SUPT3H: variants seen among roughly 807,000 people sequenced by gnomAD.
SUPT3H encodes SPT3 homolog, SAGA and STAGA complex component.
A neutral mutation model predicts 44.3 loss-of-function variants in SUPT3H; 44 were observed. That is an observed-to-expected ratio of 0.99 (90% confidence interval 0.78 to 1.28). The LOEUF is 1.28. SUPT3H is among the 50% of genes most tolerant of loss of function. The probability of loss-of-function intolerance (pLI) is 0.00; values close to 1 mark genes in which losing one functional copy is unlikely to be tolerated. For synonymous variants in SUPT3H, 124 were observed against 125.6 expected (o/e 0.99, Z 0.09); for missense variants, 380 against 387.1 (o/e 0.98, Z 0.15).
rs73735312 is a variant in SUPT3H at position 45,202,598 on chromosome 6, T to C, written c.102-96592A>G. On this transcript the variant is annotated intron_variant, in intron 2 of 10. Transcript: ENST00000371459. ...AAGTTTGCCTAAATAATTGTATCCA[T>C]AAACTTTTCCTAGTCATTAGCGTCA... Among the ~76,000 whole-genome samples the C allele has an allele frequency of 3.9e-3, 593 of 152,196 alleles. 7 individuals carry two copies. Among genetic ancestry groups the C allele is most frequent in the African/African-American group, 0.014 (565 of 41,580 alleles).
intron 11 of SUPT3H, among the ~76,000 whole-genome samples, chr6:44,816,896 AAAC>A (rs1269879670): frequency 1.6e-5 from 2 of 126,742 alleles, no homozygotes; most frequent in Non-Finnish European, 3.3e-5. Context: ...CTACAAAATA[AAAC>A]AACAACAAAA....
intron 2 of SUPT3H, among the ~76,000 whole-genome samples, chr6:45,225,229 A>G (rs2153637324): frequency 6.6e-6 from 1 of 151,832 alleles, no homozygotes; most frequent in South Asian, 2.1e-4. Context: ...CAATGAGCCA[A>G]GATTTAGCTA....
chr6:45,251,243 T>C (rs902702753), intron 2 of SUPT3H: 2 of 152,246 alleles, frequency 1.3e-5, no homozygotes, highest in Non-Finnish European at 2.9e-5. Context: ...ATCAGAGATG[T>C]ATGTGTATGT....
intron 7 of SUPT3H, among the ~76,000 whole-genome samples, chr6:44,960,079 A>G (rs1775787501): frequency 1.3e-5 from 2 of 152,118 alleles, no homozygotes; most frequent in South Asian, 4.1e-4. Context: ...AACATAATAC[A>G]CTGTTTATAC....
chr6:44,903,173 C>T (rs2153449257), intron 10 of SUPT3H, among the ~76,000 whole-genome samples: 1 of 152,234 alleles, frequency 6.6e-6, no homozygotes, highest in African/African-American at 2.4e-5. Flanking sequence ...CAAGAAATAA[C>T]TAAGATCAGA....
chr6:44,881,726 G>C (rs1432259715), intron 10 of SUPT3H, among the ~76,000 whole-genome samples: 1 of 152,144 alleles, frequency 6.6e-6, no homozygotes, highest in Non-Finnish European at 1.5e-5. Context: ...TCAGGATTAA[G>C]AAACTCACTA....
At chr6:45,131,851 G>T (rs1803514621) in intron 2 of SUPT3H, among the ~76,000 whole-genome samples, 1 of 152,118 alleles carries the variant, frequency 6.6e-6, no homozygotes, top group Non-Finnish European at 1.5e-5. Context: ...TGGAACAATG[G>T]TGGGTTTACA....
intron 1 of SUPT3H, among the ~76,000 whole-genome samples, chr6:45,375,309 G>C (rs1021233130): frequency 2.6e-5 from 4 of 152,214 alleles, no homozygotes; most frequent in South Asian, 2.1e-4. Flanking sequence ...ATTATGATGT[G>C]GTCCCAATTC....
At chr6:44,891,610 G>A (rs1460652859) in intron 10 of SUPT3H, among the ~76,000 whole-genome samples, 1 of 151,988 alleles carries the variant, frequency 6.6e-6, no homozygotes, top group African/African-American at 2.4e-5. Context: ...AGGAAAGAAT[G>A]GGTTGTTATT....
At chr6:45,004,843 C>T (rs1186642789) in intron 5 of SUPT3H, among the ~76,000 whole-genome samples, 1 of 152,040 alleles carries the variant, frequency 6.6e-6, no homozygotes, top group African/African-American at 2.4e-5. Context: ...AAGAAAAATC[C>T]CTCCAAGTCA....
intron 9 of SUPT3H, among the ~76,000 whole-genome samples, chr6:44,942,868 AG>A (rs1461386178): frequency 6.6e-6 from 1 of 152,184 alleles, no homozygotes; most frequent in Non-Finnish European, 1.5e-5. Context: ...AGTCTAGAAA[AG>A]TAACTTCCCT....
intron 2 of SUPT3H, among the ~76,000 whole-genome samples, chr6:45,162,876 C>T (rs1002064787): frequency 6.6e-6 from 1 of 152,150 alleles, no homozygotes; most frequent in Non-Finnish European, 1.5e-5. Flanking sequence ...GGAGAAACTT[C>T]ACTTAAATAT....
intron 10 of SUPT3H, among the ~76,000 whole-genome samples, chr6:44,877,345 T>C (rs1777481162): frequency 6.6e-6 from 1 of 152,026 alleles, no homozygotes; most frequent in Non-Finnish European, 1.5e-5. Flanking sequence ...GGCGCATGCC[T>C]GTAGTCCTAG....
At chr6:44,998,706 T>G (rs777304060) in intron 6 of SUPT3H, among the ~76,000 whole-genome samples, 1 of 151,948 alleles carries the variant, frequency 6.6e-6, no homozygotes, top group Non-Finnish European at 1.5e-5. Context: ...CACTTTGTTC[T>G]TATATTTGCA....
At chr6:45,370,964 T>G (rs1795967165) in intron 1 of SUPT3H, among the ~76,000 whole-genome samples, 1 of 152,202 alleles carries the variant, frequency 6.6e-6, no homozygotes, top group South Asian at 2.1e-4. Context: ...GCACTGCAAA[T>G]GTGCCTATCA....
intron 5 of SUPT3H, among the ~76,000 whole-genome samples, chr6:45,013,717 T>C (rs550536848): frequency 1.6e-4 from 24 of 152,166 alleles, no homozygotes; most frequent in Non-Finnish European, 2.8e-4. Flanking sequence ...CTGCCTAGAA[T>C]AAAGCTTTTG....
intron 2 of SUPT3H, among the ~76,000 whole-genome samples, chr6:45,303,413 C>G (rs1201023236): frequency 6.6e-6 from 1 of 151,994 alleles, no homozygotes; most frequent in African/African-American, 2.4e-5. Context: ...GGAACTCAAG[C>G]AAATTAGCAA....
intron 4 of SUPT3H, among the ~76,000 whole-genome samples, chr6:45,019,901 T>C (rs1784868833): frequency 6.6e-6 from 1 of 151,932 alleles, no homozygotes; most frequent in Admixed American, 6.6e-5. Flanking sequence ...TAAGAGTTGA[T>C]TAACTGAAAC....
At chr6:45,362,054 A>AAACAAC (rs375160471) in intron 2 of SUPT3H, among the ~76,000 whole-genome samples, 9 of 151,938 alleles carry the variant, frequency 5.9e-5, no homozygotes, top group South Asian at 2.1e-4. Flanking sequence ...TTCCTCTCAA[A>AAACAAC]AACAACAACA....
Sources: gnomAD v4.1 joint callset for allele counts (sites outside exome capture counted in the v4.1 genomes callset) on GRCh38, gnomAD v4.1.1 for gene constraint, MANE v1.5 for transcripts, NCBI Gene and HGNC (gene_info 2026-07-23, HGNC 2026-07-21) for gene names.